FYN: variants seen among roughly 807,000 people sequenced by gnomAD.
FYN encodes FYN proto-oncogene, Src family tyrosine kinase.
In FYN, 10 loss-of-function variants were observed where a neutral mutation model predicts 70.2. The ratio of observed to expected loss-of-function variants is 0.14; its 90% CI spans 0.09 to 0.24. The LOEUF is 0.24. Ranked by LOEUF, FYN falls within the 10% of genes least tolerant of loss-of-function variation. The pLI, the probability that FYN is intolerant of heterozygous loss-of-function variation, is 1.00. For missense variants in FYN, 319 were observed against 673.1 expected (o/e 0.47, Z 5.82); for synonymous variants, 236 against 248.6 (o/e 0.95, Z 0.48).
At chr6:111,838,188 A>G (rs1291738444) in intron 2 of FYN, among the ~76,000 whole-genome samples, 1 of 152,078 alleles carries the variant, frequency 6.6e-6, no homozygotes, top group African/African-American at 2.4e-5. Context: ...AAAATCACCC[A>G]TGGGCTAATA....
At chr6:111,825,594 G>A (rs1340741831) in intron 2 of FYN, among the ~76,000 whole-genome samples, 1 of 152,224 alleles carries the variant, frequency 6.6e-6, no homozygotes, top group Non-Finnish European at 1.5e-5. Flanking sequence ...GGTCGTGTGA[G>A]GGAATGGAAG....
At chr6:111,781,194 A>G (rs1180470727) in intron 2 of FYN, 2 of 152,160 alleles carry the variant, frequency 1.3e-5, no homozygotes, top group Admixed American at 6.5e-5. Flanking sequence ...GCACACAGTA[A>G]ACACTCAGTA....
At chr6:111,852,655 G>A (rs1433346621) in intron 1 of FYN, among the ~76,000 whole-genome samples, 2 of 151,920 alleles carry the variant, frequency 1.3e-5, no homozygotes, top group African/African-American at 4.8e-5. Context: ...GACTGTGTTG[G>A]GTGCAGTAAA....
chr6:111,836,084 G>A (rs1773176879), intron 2 of FYN, among the ~76,000 whole-genome samples: 1 of 152,194 alleles, frequency 6.6e-6, no homozygotes, highest in South Asian at 2.1e-4. Flanking sequence ...GAAACTGAAA[G>A]ACAACTCTGA....
At chr6:111,709,304 G>A (rs964705790) in intron 5 of FYN, among the ~76,000 whole-genome samples, 1 of 152,162 alleles carries the variant, frequency 6.6e-6, no homozygotes, top group Non-Finnish European at 1.5e-5. Context: ...GATTTAATCA[G>A]GTAGAGAATA....
At chr6:111,853,116 T>TC (rs58836808) in intron 1 of FYN, among the ~76,000 whole-genome samples, 41,419 of 151,880 alleles carry the variant, frequency 0.27, 8,188 homozygotes, top group African/African-American at 0.57. Context: ...TTAAAAAGTC[T>TC]TCATCTAATG....
chr6:111,664,951 C>G (rs1451341516), intron 13 of FYN, among the ~76,000 whole-genome samples: 1 of 152,228 alleles, frequency 6.6e-6, no homozygotes, highest in Admixed American at 6.5e-5. Flanking sequence ...CTGCAACGGG[C>G]TGACCTGCAG....
intron 1 of FYN, among the ~76,000 whole-genome samples, chr6:111,867,396 A>C (rs1043942339): frequency 2.2e-5 from 3 of 139,438 alleles, no homozygotes; most frequent in Non-Finnish European, 4.5e-5. Flanking sequence ...TGGAGGTTGC[A>C]GTGAGCTGAG....
chr6:111,835,771 G>A lies in FYN; in HGVS notation c.-82+10818C>T, dbSNP rs989711972. Among the ~76,000 whole-genome samples, 8 of 152,044 alleles carry A rather than the reference G, an allele frequency of 5.3e-5. No individual in the cohort carries two copies. The East Asian group carries it at 5.8e-4, about 11-fold the overall frequency. ...TACTGATAACGCCTGGTACTGTGGC[G>A]TGCCTGGGCATCTAACAAAGGCAAA... On this transcript the variant is annotated intron_variant, in intron 2 of 13. Coordinates refer to ENST00000354650, the MANE Select transcript of FYN (RefSeq NM_002037.5).
intron 1 of FYN, among the ~76,000 whole-genome samples, chr6:111,856,724 A>G (rs1188984163): frequency 6.6e-6 from 1 of 152,092 alleles, no homozygotes. Context: ...CTCCATCTCT[A>G]ACTCTCTTGG....
intron 2 of FYN, among the ~76,000 whole-genome samples, chr6:111,812,628 T>C (rs988679416): frequency 3.5e-4 from 51 of 145,982 alleles, no homozygotes; most frequent in African/African-American, 1.3e-3. Context: ...TTTTTTTTTT[T>C]TTTAAGGGAG....
chr6:111,707,551 C>T (rs1487909588), intron 6 of FYN, among the ~76,000 whole-genome samples: 1 of 146,748 alleles, frequency 6.8e-6, no homozygotes, highest in Non-Finnish European at 1.5e-5. Context: ...TTACTTGCTA[C>T]TCTCCCCTCT....
intron 8 of FYN, among the ~76,000 whole-genome samples, chr6:111,701,810 A>G (rs1799851493): frequency 6.6e-6 from 1 of 152,226 alleles, no homozygotes; most frequent in Non-Finnish European, 1.5e-5. Flanking sequence ...ATGTTTCATT[A>G]GAATCCACAT....
chr6:111,743,745 T>C (rs956507739), intron 3 of FYN, among the ~76,000 whole-genome samples: 59 of 152,238 alleles, frequency 3.9e-4, no homozygotes, highest in African/African-American at 1.4e-3. Flanking sequence ...ATGGTAACTT[T>C]GCTCCAAACA....
chr6:111,819,551 C>A (rs1052833678), intron 2 of FYN, among the ~76,000 whole-genome samples: 6 of 152,072 alleles, frequency 3.9e-5, no homozygotes, highest in Non-Finnish European at 7.4e-5. Context: ...CTGCCTTCCC[C>A]GAGACCATGA....
At chr6:111,825,664 C>A (rs973189117) in intron 2 of FYN, among the ~76,000 whole-genome samples, 6 of 152,188 alleles carry the variant, frequency 3.9e-5, no homozygotes, top group Admixed American at 3.3e-4. Flanking sequence ...TCTGGCTTTG[C>A]CTTCCTGGTT....
chr6:111,862,976 A>G (rs150934377), intron 1 of FYN, among the ~76,000 whole-genome samples: 7 of 152,350 alleles, frequency 4.6e-5, no homozygotes, highest in Non-Finnish European at 1.0e-4. Context: ...ACCAAGCATT[A>G]GCATCTGCTA....
intron 1 of FYN, among the ~76,000 whole-genome samples, chr6:111,855,426 T>C (rs534308261): frequency 1.5e-3 from 233 of 152,338 alleles, no homozygotes; most frequent in Non-Finnish European, 2.9e-3. Context: ...ATGTGTTATG[T>C]CACATGCATA....
chr6:111,723,900 TG>T (rs1801069253), intron 3 of FYN, among the ~76,000 whole-genome samples: 1 of 152,186 alleles, frequency 6.6e-6, no homozygotes, highest in Non-Finnish European at 1.5e-5. Flanking sequence ...GGAGTTACTC[TG>T]ATCAGGAAAA....
Sources: gnomAD v4.1 joint callset for allele counts (sites outside exome capture counted in the v4.1 genomes callset) on GRCh38, gnomAD v4.1.1 for gene constraint, MANE v1.5 for transcripts, NCBI Gene and HGNC (gene_info 2026-07-23, HGNC 2026-07-21) for gene names.